Variants in GPR179 observed in about 807,000 individuals in gnomAD.
The protein encoded by GPR179 is probable G protein-coupled receptor 179.
Under a neutral mutation model 70.8 loss-of-function variants are expected in GPR179, and 52 were observed. The ratio of observed to expected loss-of-function variants is 0.73; its 90% confidence interval spans 0.59 to 0.93. The LOEUF (loss-of-function observed/expected upper bound fraction) is 0.93, where lower values mean the gene tolerates loss of function less well. Among genes scored for constraint, GPR179 ranks in the 40% least tolerant of loss-of-function variants. GPR179 has a pLI of 0.00. For synonymous variants in GPR179, 1,123 were observed against 1,169.0 expected (o/e 0.96, Z 0.80); for missense variants, 2,734 against 2,966.8 (o/e 0.92, Z 1.82).
chr17:38,338,669 G>A (rs2037426155), intron 2 of GPR179, among the ~76,000 whole-genome samples: 1 of 152,218 alleles, frequency 6.6e-6, no homozygotes, highest in Non-Finnish European at 1.5e-5. Flanking sequence ...AACCACCTGT[G>A]CACACAGAAC....
In GPR179 at chr17:38,331,393, ATTCC is replaced by A; in HGVS notation, c.2172_2175del (p.Glu725SerfsTer65). The stretch of plus-strand genomic sequence containing the variant: ...TGCTGCCTGGCCAGGGCCTCGGGGA[ATTCC>A]GCCAGGTACCTCATGAAGGAGCGGC... On this transcript the variant is annotated frameshift_variant, in exon 11 of 11. Coordinates refer to ENST00000616987, the MANE Select transcript of GPR179 (RefSeq NM_001004334.4). LOFTEE classifies it low-confidence loss of function (END_TRUNC). The A allele has an allele frequency of 6.2e-7, 1 of 1,614,056 alleles. No homozygotes were observed.
rs2037285313 is a variant in GPR179, at chr17:38,326,365, C to T, written c.*100G>A. The T allele has an allele frequency of 7.9e-6, 7 of 891,122 alleles. No homozygotes were observed. Among genetic ancestry groups the T allele is most frequent in the South Asian group, 5.1e-5 (3 of 58,676 alleles). 55.2% of individuals were successfully genotyped at this position (891,122 alleles called of 1,614,324 possible). A position where few individuals can be genotyped will look rare whatever the true frequency, so the allele number is the denominator to read the frequency against. ...TGGTCTTCTCAAGGAGGGGAAGTGGCCAAGCTGTCTTTGATTCAGCTCTTT... is the reference window on the plus strand; with the variant it reads ...TGGTCTTCTCAAGGAGGGGAAGTGGTCAAGCTGTCTTTGATTCAGCTCTTT... On this transcript the variant is annotated 3_prime_UTR_variant, in exon 11 of 11. Transcript: ENST00000616987.
chr17:38,335,027 G>A lies in GPR179; in HGVS notation c.1645+6C>T. On this transcript the variant is annotated splice_donor_region_variant and intron_variant, in intron 7 of 10. Coordinates refer to ENST00000616987, the MANE Select transcript of GPR179 (RefSeq NM_001004334.4). ...CGTAAGGCTGGGCTCAGCAGAAGCA[G>A]CTCACCCACAACCATGATGTAGTCC... 1 of 1,608,364 alleles carries A rather than the reference G, an allele frequency of 6.2e-7. No individual in the cohort carries two copies. The highest frequency in any genetic ancestry group is 8.5e-7 in the Non-Finnish European group (1 of 1,175,510).
Position 38,329,872 on chromosome 17 carries a change from G to A in GPR179, c.3697C>T (p.Leu1233=), listed in dbSNP as rs1401787748. The change falls in exon 11 of 11, where the codon CTG becomes TTG. Residue 1233 remains leucine, a synonymous_variant. Coordinates refer to ENST00000616987, the MANE Select transcript of GPR179 (RefSeq NM_001004334.4). ...QELPKAGLQS[L]GSADHRVAEV... ...GCCACCCTGTGGTCAGCGCTGCCCA[G>A]GGACTGGAGGCCAGCTTTGGGCAGT... The A allele has an allele frequency of 6.2e-7, 1 of 1,614,130 alleles. No individual in the cohort carries two copies. The highest frequency in any genetic ancestry group is 8.5e-7 in the Non-Finnish European group (1 of 1,179,966).
In GPR179 at chr17:38,334,061, G is replaced by A. The variant is rs1185150025; in HGVS notation, c.1785-23C>T. On this transcript the variant is annotated intron_variant, in intron 8 of 10. Transcript: ENST00000616987. The surrounding 1 kb of genome is among the most constrained non-coding windows in gnomAD (Gnocchi z 4.7). The stretch of plus-strand genomic sequence containing the variant: ...AACCTGGGGCGGGATAGGGGCGCAG[G>A]TCATTACTGCAGGCAGGAGTTGCCT... The A allele has an allele frequency of 6.6e-7, 1 of 1,525,748 alleles. No individual in the cohort carries two copies. Among genetic ancestry groups the A allele is most frequent in the Non-Finnish European group, 9.1e-7 (1 of 1,099,752 alleles). The allele number at this position is 1,525,748 out of a possible 1,614,324, so 94.5% of individuals were successfully genotyped here.
At chr17:38,331,986 C>A (rs192635713) in intron 10 of GPR179, among the ~76,000 whole-genome samples, 1 of 152,136 alleles carries the variant, frequency 6.6e-6, no homozygotes, top group Non-Finnish European at 1.5e-5. Flanking sequence ...AATGATGGAA[C>A]GGGGCTTTAG....
At position 38,327,015 on chromosome 17, in the gene GPR179, C is replaced by G. The variant is rs1268448779; in HGVS notation, c.6554G>C (p.Gly2185Ala). The part of the protein sequence containing the change: ...KPREQEAVCP[G>A]EGTGSGGLLP... Reference sequence around the variant, plus strand: ...GAGCCCTCCTGAGCCTGTGCCTTCCCCAGGGCAGACTGCCTCCTGCTCTCT... The same window carrying G: ...GAGCCCTCCTGAGCCTGTGCCTTCCGCAGGGCAGACTGCCTCCTGCTCTCT... The change falls in exon 11 of 11, where the codon GGG (glycine) becomes GCG (alanine). Residue 2185 changes from glycine (G) to alanine (A), a missense_variant. Gly to Ala is a moderately conservative substitution (Grantham distance 60). Coordinates refer to ENST00000616987, the MANE Select transcript of GPR179 (RefSeq NM_001004334.4). The G allele has an allele frequency of 6.2e-7, 1 of 1,614,070 alleles. No homozygotes were observed. The highest frequency in any genetic ancestry group is 1.3e-5 in the African/African-American group (1 of 74,938).
chr17:38,328,734 C>T lies in GPR179; in HGVS notation c.4835G>A (p.Arg1612Lys). 1 of 1,613,944 alleles carries T rather than the reference C, an allele frequency of 6.2e-7. No homozygotes were observed. Among genetic ancestry groups the T allele is most frequent in the South Asian group, 1.1e-5 (1 of 91,070 alleles). The change falls in exon 11 of 11, where the codon AGA becomes AAA. Residue 1612 changes from arginine to lysine, a missense_variant. Physicochemically the swap from Arg to Lys is conservative, Grantham distance 26. Coordinates refer to ENST00000616987, the MANE Select transcript of GPR179 (RefSeq NM_001004334.4). ...CTTGTCCTTTTGAGATTCTCCTCCTCTTGGCACCTGTGCTGATGTCCATTC... is the reference window on the plus strand; with the variant it reads ...CTTGTCCTTTTGAGATTCTCCTCCTTTTGGCACCTGTGCTGATGTCCATTC... ...REEWTSAQVP[R>K]GGESQKDKEK... is the part of the protein sequence containing the mutation.
Position 38,328,525 on chromosome 17 carries a change from C to A in GPR179, c.5044G>T (p.Gly1682Ter), listed in dbSNP as rs368854236. 18 of 1,613,272 alleles carry A rather than the reference C, an allele frequency of 1.1e-5. No homozygotes were observed. The highest frequency in any genetic ancestry group is 1.4e-5 in the Non-Finnish European group (17 of 1,179,840). ...QTLLQMSGSV[G>*]SKAADICPLD... ...GGGCAAATGTCGGCAGCTTTGCTTC[C>A]CACACTGCCTGACATCTGGAGAAGG... The change falls in exon 11 of 11, where the codon GGA becomes TGA. Residue 1682 changes from glycine to a stop codon, truncating the protein, a stop_gained. Transcript: ENST00000616987. LOFTEE classifies it low-confidence loss of function (END_TRUNC).
rs759829066 is a variant in GPR179, at chr17:38,328,112, G to A, written c.5457C>T (p.Pro1819=). ...CAGTAGTTCCTTCACTTACCTCCCA[G>A]GGACAGATCTTGGCTTTTTCACTGG... The part of the protein sequence containing the change: ...AATSEKAKIC[P]WEVSEGTTGK... The change falls in exon 11 of 11, where the codon CCC becomes CCT. Residue 1819 remains proline (P), a synonymous_variant. Coordinates refer to ENST00000616987, the MANE Select transcript of GPR179 (RefSeq NM_001004334.4). 67 of 1,613,878 alleles carry A rather than the reference G, an allele frequency of 4.2e-5. 1 individual carries two copies. In the Admixed American group the frequency reaches 7.2e-4, roughly 17 times the overall value.
Position 38,334,324 on chromosome 17 carries a change from C to T in GPR179, c.1785-286G>A, listed in dbSNP as rs1012878628. 2.6e-5 allele frequency among the ~76,000 whole-genome samples: 4 copies of T among 152,232 alleles called. No individual in the cohort carries two copies. Among genetic ancestry groups the T allele is most frequent in the Non-Finnish European group, 5.9e-5 (4 of 68,038 alleles). ...ACTCTGTGGGTTAACTCTGCCTCCA[C>T]CACAGGGTCTGGTCGTTATGGACAA... is the stretch of plus-strand genomic sequence containing the variant. On this transcript the variant is annotated intron_variant, in intron 8 of 10. Coordinates refer to ENST00000616987, the MANE Select transcript of GPR179 (RefSeq NM_001004334.4). The surrounding 1 kb of genome is among the most constrained non-coding windows in gnomAD (Gnocchi z 4.7).
At chr17:38,337,240 A>G (rs1286384618) in intron 3 of GPR179, 27 bp from the exon 4 acceptor site, 1 of 1,571,896 alleles carries the variant, frequency 6.4e-7, no homozygotes, top group African/African-American at 1.3e-5. Context: ...GAGTGCAGGG[A>G]GAGGGGCCCA....
chr17:38,330,303 A>T lies in GPR179; in HGVS notation c.3266T>A (p.Leu1089Gln). 1 of 1,612,174 alleles carries T rather than the reference A, an allele frequency of 6.2e-7. No homozygotes were observed. Among genetic ancestry groups the T allele is most frequent in the Non-Finnish European group, 8.5e-7 (1 of 1,178,880 alleles). ...VQQGSMRSLGLAIKALTRSRS... is the reference protein window; with the variant it reads ...VQQGSMRSLGQAIKALTRSRS... ...AGAACGGGTCAGAGCTTTAATCGCC[A>T]GCCCCAGGCTGCGCATGGAACCCTG... Residue 1089 changes from leucine (L) to glutamine (Q), a missense_variant, in exon 11 of 11, where the codon CTG becomes CAG. Coordinates refer to ENST00000616987, the MANE Select transcript of GPR179 (RefSeq NM_001004334.4).
chr17:38,326,046 A>G lies in GPR179; in HGVS notation c.*419T>C, dbSNP rs1157981769. The G allele has an allele frequency of 1.2e-5, 2 of 172,714 alleles. No individual in the cohort carries two copies. Among genetic ancestry groups the G allele is most frequent in the Non-Finnish European group, 2.4e-5 (2 of 82,490 alleles). 10.7% of individuals were successfully genotyped at this position (172,714 alleles called of 1,614,324 possible). ...ACTTTGTATGGTTTAGTTTCTTCTC[A>G]AAAAATGCTCCATCGTAGACTTCAG... is the stretch of plus-strand genomic sequence containing the variant. On this transcript the variant is annotated 3_prime_UTR_variant, in exon 11 of 11. Transcript: ENST00000616987.
chr17:38,338,665 C>G (rs2037426094), intron 2 of GPR179, among the ~76,000 whole-genome samples: 1 of 152,264 alleles, frequency 6.6e-6, no homozygotes, highest in South Asian at 2.1e-4. Context: ...GTAGAACCAC[C>G]TGTGCACACA....
rs745835590 is a variant in GPR179, at chr17:38,327,930, T to C, written c.5639A>G (p.Asp1880Gly). ...GGCCTGAGCAGGGGATTCCCTCAAG[T>C]CCTTGTTCTCCCAAATACAAATAGT... ...QETICIWENK[D>G]LRESPAQAPK... Residue 1880 changes from aspartate (D) to glycine (G), a missense_variant, in exon 11 of 11, where the codon GAC becomes GGC. By Grantham distance (94) the Asp-to-Gly change is moderately conservative. Transcript: ENST00000616987. The C allele has an allele frequency of 1.2e-6, 2 of 1,614,172 alleles. No individual in the cohort carries two copies. Among genetic ancestry groups the C allele is most frequent in the Non-Finnish European group, 1.7e-6 (2 of 1,180,020 alleles).
At position 38,333,254 on chromosome 17, in the gene GPR179, A is replaced by T; in HGVS notation, c.2034T>A (p.Ile678=). Residue 678 remains isoleucine, a synonymous_variant, in exon 10 of 11, where the codon ATT becomes ATA. Coordinates refer to ENST00000616987, the MANE Select transcript of GPR179 (RefSeq NM_001004334.4). The part of the protein sequence containing the change: ...WSEHSLDPGD[I]RDELKKLYAQ... ...AGGCAGGGAGGGTGGCACATACCCG[A>T]ATGTCTCCAGGGTCCAGGCTGTGCT... The T allele has an allele frequency of 5.0e-6, 8 of 1,613,702 alleles. No individual in the cohort carries two copies. Among genetic ancestry groups the T allele is most frequent in the Non-Finnish European group, 6.8e-6 (8 of 1,179,720 alleles).
rs2037324213 is a variant in GPR179, at chr17:38,329,186, T to A, written c.4383A>T (p.Glu1461Asp). ...CATCTCCTGCCTCCCACAGACACAC[T>A]TCAGCAATGCCACTGCCCAAACTCC... ...CSGSLGSGIA[E>D]VCLWEAGDAP... is the part of the protein sequence containing the mutation. Residue 1461 changes from glutamate to aspartate, a missense_variant, in exon 11 of 11, where the codon GAA becomes GAT. Transcript: ENST00000616987. The A allele has an allele frequency of 1.2e-6, 2 of 1,613,788 alleles. No homozygotes were observed. The highest frequency in any genetic ancestry group is 1.7e-6 in the Non-Finnish European group (2 of 1,179,972).
rs780310147 is a variant in GPR179 at position 38,324,641 on chromosome 17, G to C, written c.*1824C>G. Reference sequence around the variant, plus strand: ...TGGTTTATTTCACAAGAGTGTGTTTGGCGGCAACTTTGCTGTTTCCAGCTA... The same window carrying C: ...TGGTTTATTTCACAAGAGTGTGTTTCGCGGCAACTTTGCTGTTTCCAGCTA... On this transcript the variant is annotated 3_prime_UTR_variant, in exon 11 of 11. Coordinates refer to ENST00000616987, the MANE Select transcript of GPR179 (RefSeq NM_001004334.4). Among the ~76,000 whole-genome samples, 109 of 109,626 alleles carry C rather than the reference G, an allele frequency of 9.9e-4. No individual in the cohort carries two copies. The highest frequency in any genetic ancestry group is 7.5e-4 in the Non-Finnish European group (45 of 60,022). The allele number at this position is 109,626 out of a possible 152,430, so 71.9% of individuals were successfully genotyped here. A position where few individuals can be genotyped will look rare whatever the true frequency, so the allele number is the denominator to read the frequency against.
Sources: allele counts gnomAD v4.1 joint callset (sites outside exome capture counted in the v4.1 genomes callset), GRCh38; gene constraint gnomAD v4.1.1; non-coding constraint Gnocchi (gnomAD v3.1); transcripts MANE v1.5; gene names NCBI Gene and HGNC (gene_info 2026-07-23, HGNC 2026-07-21).